DOCK9: variants seen among roughly 807,000 people sequenced by gnomAD.
The protein encoded by DOCK9 is dedicator of cytokinesis protein 9.
DOCK9 carries 89 observed loss-of-function variants against 263.3 expected under a neutral mutation model. The ratio of observed to expected loss-of-function variants is 0.34; its 90% confidence interval spans 0.28 to 0.40. The LOEUF is 0.40. Among genes scored for constraint, DOCK9 ranks in the 10% least tolerant of loss-of-function variants. The probability of loss-of-function intolerance (pLI) is 1.00; values close to 1 mark genes in which losing one functional copy is unlikely to be tolerated. For missense variants in DOCK9, 2,140 were observed against 2,603.4 expected (o/e 0.82, Z 3.87); for synonymous variants, 976 against 973.1 (o/e 1.00, Z -0.06).
At chr13:98,901,959 C>G in intron 12 of DOCK9, 59 bp from the exon 13 acceptor site, 1 of 1,583,922 alleles carries the variant, frequency 6.3e-7, no homozygotes, top group South Asian at 1.2e-5. Context: ...AAACAAATCC[C>G]ATGAACATTA....
In DOCK9 at chr13:98,888,458, A is replaced by G. The variant is rs1595004390; in HGVS notation, c.1879T>C (p.Cys627Arg). 6.2e-7 allele frequency: 1 copy of G among 1,613,982 alleles called. No individual in the cohort carries two copies. Among genetic ancestry groups the G allele is most frequent in the East Asian group, 2.2e-5 (1 of 44,870 alleles). ...ITFEVEEFVP[C>R]IPKHTQPYTI... is the part of the protein sequence containing the mutation. Reference sequence around the variant, plus strand: ...TAAGGCTGAGTGTGTTTTGGTATGCAGGGCACAAATTCCTCCACTTCAAAC... The same window carrying G: ...TAAGGCTGAGTGTGTTTTGGTATGCGGGGCACAAATTCCTCCACTTCAAAC... The change falls in exon 17 of 53, where the codon TGC (cysteine) becomes CGC (arginine). Residue 627 changes from cysteine (C) to arginine (R), a missense_variant. Around this residue, in one of 2 missense-constraint regions of DOCK9, gnomAD observed 1,521 missense variants for 1,741.7 expected, o/e 0.87. Coordinates refer to ENST00000682017, the MANE Select transcript of DOCK9 (RefSeq NM_001366683.2).
intron 4 of DOCK9, among the ~76,000 whole-genome samples, chr13:98,925,076 G>C (rs2140159098): frequency 6.6e-6 from 1 of 152,114 alleles, no homozygotes; most frequent in South Asian, 2.1e-4. Flanking sequence ...AGGCGGGAGA[G>C]TTGCTTGAAC....
rs540462819 is a variant in DOCK9 at position 99,076,617 on chromosome 13, T to C, written c.129+9606A>G. Among the ~76,000 whole-genome samples the C allele has an allele frequency of 2.6e-5, 4 of 152,276 alleles. No individual in the cohort carries two copies. In the East Asian group the frequency reaches 7.7e-4, roughly 29 times the overall value. On this transcript the variant is annotated intron_variant, in intron 1 of 32. Transcript: ENST00000427887. ...AGAGCCTGTGCATTAGGAAAATTAA[T>C]CTGGCAGCAGGAGGTAAACTGGGAT...
At chr13:99,048,809 C>T (rs1259294200) in intron 1 of DOCK9, among the ~76,000 whole-genome samples, 1 of 152,196 alleles carries the variant, frequency 6.6e-6, no homozygotes, top group Admixed American at 6.5e-5. Flanking sequence ...CTGACCACTG[C>T]TCGGGACTTC....
At chr13:98,871,879 C>T (rs926946528) in intron 27 of DOCK9, 5 of 153,096 alleles carry the variant, frequency 3.3e-5, no homozygotes, top group African/African-American at 1.2e-4. Flanking sequence ...ATGCCCCCAT[C>T]CTCTGCGAGC....
intron 39 of DOCK9, among the ~76,000 whole-genome samples, chr13:98,834,147 T>A (rs1322418492): frequency 6.6e-6 from 1 of 152,222 alleles, no homozygotes; most frequent in Non-Finnish European, 1.5e-5. Flanking sequence ...TGGTCTCTTA[T>A]GGTGCTTAAT....
intron 1 of DOCK9, chr13:99,025,108 C>T (rs1886562371): frequency 1.3e-5 from 2 of 152,194 alleles, no homozygotes; most frequent in Admixed American, 6.5e-5. Context: ...TTCAATCAAA[C>T]ATTCCTTGAC....
intron 1 of DOCK9, among the ~76,000 whole-genome samples, chr13:99,001,816 C>T (rs1882393449): frequency 6.6e-6 from 1 of 152,232 alleles, no homozygotes; most frequent in Non-Finnish European, 1.5e-5. Context: ...CCTATGGTCT[C>T]GTACCTCACT....
chr13:98,828,935 T>C (rs1157296379), intron 43 of DOCK9, among the ~76,000 whole-genome samples: 2 of 152,132 alleles, frequency 1.3e-5, no homozygotes, highest in Non-Finnish European at 2.9e-5. Context: ...TGGACTACCC[T>C]ACAGAGGAGA....
intron 1 of DOCK9, chr13:99,015,382 C>T: frequency 7.6e-7 from 1 of 1,312,286 alleles, no homozygotes; most frequent in Non-Finnish European, 1.0e-6. Flanking sequence ...TATTTGTTTA[C>T]AAGTAAAGAC....
Position 98,800,382 on chromosome 13 carries a change from C to T in DOCK9, c.5822G>A (p.Ser1941Asn), listed in dbSNP as rs1284866529. 5 of 1,613,866 alleles carry T rather than the reference C, an allele frequency of 3.1e-6. No individual in the cohort carries two copies. Among genetic ancestry groups the T allele is most frequent in the South Asian group, 2.2e-5 (2 of 91,064 alleles). The change falls in exon 50 of 53, where the codon AGT becomes AAT. Residue 1941 changes from serine to asparagine, a missense_variant. Around this residue, in one of 2 missense-constraint regions of DOCK9, gnomAD observed 619 missense variants for 861.8 expected, o/e 0.72. Transcript: ENST00000682017. Reference sequence around the variant, plus strand: ...CTGCCGGAGCTCCGCCACCTTCTTACTCATCTCGTCAATGGCCACCTCGAT... The same window carrying T: ...CTGCCGGAGCTCCGCCACCTTCTTATTCATCTCGTCAATGGCCACCTCGAT... ...NPIEVAIDEMSKKVAELRQLC... is the reference protein window; with the variant it reads ...NPIEVAIDEMNKKVAELRQLC...
Position 98,797,220 on chromosome 13 carries a change from C to T in DOCK9, c.6051G>A (p.Ala2017=), listed in dbSNP as rs777486006. 1.8e-5 allele frequency: 29 copies of T among 1,613,966 alleles called. No individual in the cohort carries two copies. Among genetic ancestry groups the T allele is most frequent in the Middle Eastern group, 1.6e-4 (1 of 6,062 alleles). ...CTTCTTTAATCAGACGTTCGTTTAC[C>T]GCTAAGGCTTGACCGCAAGCTTCCA... is the stretch of plus-strand genomic sequence containing the variant. ...QFVEACGQAL[A]VNERLIKEDQ... The change falls in exon 52 of 53, where the codon GCG becomes GCA. Residue 2017 remains alanine (A), a synonymous_variant. Coordinates refer to ENST00000682017, the MANE Select transcript of DOCK9 (RefSeq NM_001366683.2).
chr13:98,966,182 T>C (rs1390137962), intron 1 of DOCK9, among the ~76,000 whole-genome samples: 1 of 152,250 alleles, frequency 6.6e-6, no homozygotes, highest in Non-Finnish European at 1.5e-5. Flanking sequence ...CTCCATGTCC[T>C]GTGCCCGGGG....
chr13:98,891,992 A>G (rs2139091975), intron 15 of DOCK9, among the ~76,000 whole-genome samples: 4 of 152,310 alleles, frequency 2.6e-5, no homozygotes, highest in Middle Eastern at 6.8e-3. Context: ...CACAAACTGA[A>G]TTCTTTCATG....
chr13:98,850,761 T>C (rs2093544181), intron 35 of DOCK9, among the ~76,000 whole-genome samples: 1 of 152,230 alleles, frequency 6.6e-6, no homozygotes, highest in Non-Finnish European at 1.5e-5. Context: ...CAGGATAAGT[T>C]CTCTGAAGCG....
chr13:98,952,942 T>G (rs1195674414), intron 2 of DOCK9, among the ~76,000 whole-genome samples: 1 of 152,208 alleles, frequency 6.6e-6, no homozygotes, highest in Non-Finnish European at 1.5e-5. Flanking sequence ...CCATATGAAA[T>G]AAAACACTTT....
chr13:98,841,461 G>A (rs1231860018), intron 38 of DOCK9, among the ~76,000 whole-genome samples: 3 of 152,026 alleles, frequency 2.0e-5, no homozygotes, highest in African/African-American at 7.2e-5. Flanking sequence ...CCCATCAATT[G>A]CAAGAAATAC....
At position 98,794,701 on chromosome 13, in the gene DOCK9, G is replaced by A. The variant is rs2139699232; in HGVS notation, c.6204C>T (p.His2068=). Residue 2068 remains histidine (H), a synonymous_variant, in exon 53 of 53, where the codon CAC becomes CAT. Transcript: ENST00000682017. Reference sequence around the variant, plus strand: ...GAGTCCCACTGATGGCGTTGAAGATGTGAAGGGAATTCGGTAAGACGCTCG... The same window carrying A: ...GAGTCCCACTGATGGCGTTGAAGATATGAAGGGAATTCGGTAAGACGCTCG... The part of the protein sequence containing the change: ...EKTSVLPNSL[H]IFNAISGTPT... 1.2e-6 allele frequency: 2 copies of A among 1,613,954 alleles called. No homozygotes were observed. Among genetic ancestry groups the A allele is most frequent in the Non-Finnish European group, 1.7e-6 (2 of 1,179,860 alleles).
At chr13:98,800,892 T>A (rs1297352330) in intron 49 of DOCK9, among the ~76,000 whole-genome samples, 1 of 152,212 alleles carries the variant, frequency 6.6e-6, no homozygotes, top group Admixed American at 6.5e-5. Context: ...CATAAAAATA[T>A]CCTTGAGAAA....
Sources: allele counts gnomAD v4.1 joint callset (sites outside exome capture counted in the v4.1 genomes callset), GRCh38; gene constraint gnomAD v4.1.1; regional missense constraint gnomAD v4.1.1; transcripts MANE v1.5; gene names NCBI Gene and HGNC (gene_info 2026-07-23, HGNC 2026-07-21).